TRPM3: variants seen among roughly 807,000 people sequenced by gnomAD.
The protein encoded by TRPM3 is long transient receptor potential channel 3.
Under a neutral mutation model 181.2 loss-of-function variants are expected in TRPM3, and 77 were observed. That is an observed-to-expected ratio of 0.42 (90% CI 0.35 to 0.51). The LOEUF (loss-of-function observed/expected upper bound fraction) is 0.51. Among genes scored for constraint, TRPM3 ranks in the 20% least tolerant of loss-of-function variants. The pLI is 0.01. For synonymous variants in TRPM3, 745 were observed against 796.4 expected (o/e 0.94, Z 1.09); for missense variants, 1,759 against 2,196.7 (o/e 0.80, Z 3.98).
chr9:70,982,180 G>A (rs2097370424), intron 1 of TRPM3, among the ~76,000 whole-genome samples: 1 of 152,018 alleles, frequency 6.6e-6, no homozygotes, highest in Admixed American at 6.5e-5. Flanking sequence ...CAGTTATAAT[G>A]TACAACCTCA....
At chr9:70,600,106 G>A (rs936389693) in intron 20 of TRPM3, among the ~76,000 whole-genome samples, 3 of 152,164 alleles carry the variant, frequency 2.0e-5, no homozygotes. Flanking sequence ...TACCACACAT[G>A]GGTCTATGAA....
At chr9:70,802,734 A>G (rs982582077) in intron 6 of TRPM3, among the ~76,000 whole-genome samples, 1 of 152,182 alleles carries the variant, frequency 6.6e-6, no homozygotes, top group African/African-American at 2.4e-5. Context: ...GTTTGGGACT[A>G]TTTGAAAACA....
intron 1 of TRPM3, among the ~76,000 whole-genome samples, chr9:71,359,143 A>G (rs2092032011): frequency 6.6e-6 from 1 of 152,220 alleles, no homozygotes; most frequent in Admixed American, 6.5e-5. Context: ...AAAGAGTGAC[A>G]TTAGGGAAGA....
At chr9:71,125,102 C>G (rs1321166453), upstream of TRPM3, among the ~76,000 whole-genome samples, 1 of 152,104 alleles carries the variant, frequency 6.6e-6, no homozygotes, top group Non-Finnish European at 1.5e-5. Flanking sequence ...TAGACACTTT[C>G]GTTTGCTTCA....
intron 8 of TRPM3, among the ~76,000 whole-genome samples, chr9:70,696,940 G>C (rs1257714148): frequency 1.3e-5 from 2 of 151,692 alleles, no homozygotes; most frequent in African/African-American, 4.8e-5. Flanking sequence ...AAAATCCCTT[G>C]TTTATTTACA....
At chr9:70,894,637 A>G (rs1316413984) in intron 1 of TRPM3, among the ~76,000 whole-genome samples, 3 of 152,076 alleles carry the variant, frequency 2.0e-5, no homozygotes, top group Non-Finnish European at 4.4e-5. Context: ...GCAGTTGAGA[A>G]TTTTCTAAGC....
chr9:71,079,562 G>A (rs1719068207), intron 1 of TRPM3, among the ~76,000 whole-genome samples: 1 of 152,084 alleles, frequency 6.6e-6, no homozygotes. Flanking sequence ...CTTTCATCTT[G>A]CATATTCAGA....
At chr9:71,109,281 C>T (rs979304571) in intron 1 of TRPM3, among the ~76,000 whole-genome samples, 2 of 151,892 alleles carry the variant, frequency 1.3e-5, no homozygotes, top group Non-Finnish European at 2.9e-5. Context: ...TATATACATC[C>T]TACTGCTTCT....
At chr9:71,053,718 G>A (rs1287358935) in intron 1 of TRPM3, among the ~76,000 whole-genome samples, 1 of 152,066 alleles carries the variant, frequency 6.6e-6, no homozygotes, top group Non-Finnish European at 1.5e-5. Flanking sequence ...TCCGGTTCCT[G>A]GTCTGCCTCC....
chr9:70,858,456 C>T (rs563221528), intron 3 of TRPM3, among the ~76,000 whole-genome samples: 22 of 152,210 alleles, frequency 1.4e-4, no homozygotes, highest in South Asian at 4.1e-4. Context: ...ATGAGACCTC[C>T]GACCTGTGGA....
At chr9:70,969,622 G>A (rs976691633) in intron 1 of TRPM3, among the ~76,000 whole-genome samples, 18 of 151,288 alleles carry the variant, frequency 1.2e-4, no homozygotes, top group African/African-American at 4.4e-4. Flanking sequence ...GAATTCTGCA[G>A]ATAGAATATT....
At chr9:70,920,212 T>A (rs2133267912) in intron 1 of TRPM3, among the ~76,000 whole-genome samples, 1 of 152,342 alleles carries the variant, frequency 6.6e-6, no homozygotes, top group African/African-American at 2.4e-5. Flanking sequence ...ATTTTTGGAA[T>A]AAAAGTCTTT....
chr9:70,806,006 A>G (rs145672001), intron 6 of TRPM3, among the ~76,000 whole-genome samples: 30 of 152,252 alleles, frequency 2.0e-4, no homozygotes, highest in Non-Finnish European at 4.0e-4. Flanking sequence ...TGACTCTTCA[A>G]TCTTCCTCCC....
intron 1 of TRPM3, among the ~76,000 whole-genome samples, chr9:70,998,214 CATAT>C: frequency 7.1e-6 from 1 of 140,314 alleles, no homozygotes; most frequent in African/African-American, 2.6e-5. Context: ...TATATATACA[CATAT>C]ATATACATAT....
At chr9:71,150,806 A>G (rs1437298176) in intron 1 of TRPM3, among the ~76,000 whole-genome samples, 1 of 152,170 alleles carries the variant, frequency 6.6e-6, no homozygotes, top group African/African-American at 2.4e-5. Flanking sequence ...AATTCTTAGG[A>G]AAGAATTTAA....
intron 1 of TRPM3, among the ~76,000 whole-genome samples, chr9:71,413,153 G>A (rs929283639): frequency 7.2e-5 from 11 of 152,026 alleles, no homozygotes; most frequent in African/African-American, 1.7e-4. Context: ...TGTAAGTGAC[G>A]AGTTAATGGG....
rs199839385 is a variant in TRPM3 at position 71,304,363 on chromosome 9, T to C, written c.183+142290A>G. Among the ~76,000 whole-genome samples, 11 of 152,298 alleles carry C rather than the reference T, an allele frequency of 7.2e-5. No homozygotes were observed. The East Asian group carries it at 1.9e-3, about 27-fold the overall frequency. Reference sequence around the variant, plus strand: ...GAGCCTCTTGTGGATGCCCACCTCATCCGACGGAAGGCAGTGTTCCAAAAC... The same window carrying C: ...GAGCCTCTTGTGGATGCCCACCTCACCCGACGGAAGGCAGTGTTCCAAAAC... On this transcript the variant is annotated intron_variant, in intron 1 of 24. Coordinates refer to the TRPM3 transcript ENST00000357533.
At chr9:70,987,978 G>A (rs982125984) in intron 1 of TRPM3, among the ~76,000 whole-genome samples, 3 of 152,014 alleles carry the variant, frequency 2.0e-5, no homozygotes, top group African/African-American at 7.2e-5. Flanking sequence ...TATTATCATT[G>A]CACAGAAAAG....
chr9:70,989,233 C>A (rs942978000), intron 1 of TRPM3, among the ~76,000 whole-genome samples: 1 of 152,116 alleles, frequency 6.6e-6, no homozygotes, highest in Non-Finnish European at 1.5e-5. Context: ...TTTTCACAAA[C>A]ACCTAAGCTT....
Sources: allele counts gnomAD v4.1 joint callset (sites outside exome capture counted in the v4.1 genomes callset), GRCh38; gene constraint gnomAD v4.1.1; transcripts MANE v1.5; gene names NCBI Gene and HGNC (gene_info 2026-07-23, HGNC 2026-07-21).